The following TRIM5 variants were observed in gnomAD, a reference collection of about 807,000 sequenced individuals.
TRIM5 encodes tripartite motif containing 5, also known as tripartite motif-containing protein 5.
Under a neutral mutation model 35.6 loss-of-function variants are expected in TRIM5, and 31 were observed. The ratio of observed to expected loss-of-function variants is 0.87; its 90% CI spans 0.65 to 1.18. The LOEUF (loss-of-function observed/expected upper bound fraction) is 1.18, where lower values mean the gene tolerates loss of function less well. Ranked by LOEUF, TRIM5 falls within the 50% of genes most tolerant of loss-of-function variation. The pLI is 0.00. For synonymous variants in TRIM5, 243 were observed against 215.6 expected, an observed-to-expected ratio of 1.13 and a Z score of -1.11; for missense variants, 609 against 591.6, an observed-to-expected ratio of 1.03 and a Z score of -0.31.
the TRIM5 span, chr11:5,596,849 C>T: frequency 6.2e-7 from 1 of 1,613,642 alleles, no homozygotes; most frequent in Non-Finnish European, 8.5e-7. Context: ...AGAGCTTTGA[C>T]CACCTGATAT....
the TRIM5 span, chr11:5,632,266 T>C: frequency 7.5e-6 from 12 of 1,607,016 alleles, no homozygotes; most frequent in Non-Finnish European, 9.3e-6. Context: ...CATCCAGGGG[T>C]CTTTAACCAG....
chr11:5,666,588 A>G (rs766875062), intron 5 of TRIM5, among the ~76,000 whole-genome samples: 1 of 152,222 alleles, frequency 6.6e-6, no homozygotes, highest in Non-Finnish European at 1.5e-5. Context: ...AAGACCTTCA[A>G]AGCTATTCCC....
chr11:5,656,271 A>G, the TRIM5 span, among the ~76,000 whole-genome samples: 2 of 152,184 alleles, frequency 1.3e-5, no homozygotes, highest in African/African-American at 2.4e-5. Flanking sequence ...AAAGGGCTAA[A>G]ATCCAGAATC....
At chr11:5,611,229 C>T in the TRIM5 span, 1 of 1,613,660 alleles carries the variant, frequency 6.2e-7, no homozygotes, top group Non-Finnish European at 8.5e-7. Context: ...TGTCACAAAC[C>T]ATGGCTTCCC....
chr11:5,605,412 C>A, the TRIM5 span: 46 of 1,614,032 alleles, frequency 2.9e-5, no homozygotes, highest in Non-Finnish European at 3.8e-5. Flanking sequence ...CAGAGTGGAG[C>A]AACGGGAGCT....
At chr11:5,605,436 C>T in the TRIM5 span, 1 of 1,614,150 alleles carries the variant, frequency 6.2e-7, no homozygotes, top group Non-Finnish European at 8.5e-7. Context: ...AAAGCTGGAA[C>T]AGGAAGAGAA....
At chr11:5,662,266 T>G (rs891408490), downstream of TRIM5, among the ~76,000 whole-genome samples, 5 of 152,120 alleles carry the variant, frequency 3.3e-5, no homozygotes, top group African/African-American at 1.2e-4. Flanking sequence ...GGTAGACCAT[T>G]AAAACAAAAC....
intron 4 of TRIM5, chr11:5,677,842 A>C: frequency 5.8e-6 from 1 of 172,242 alleles, no homozygotes; most frequent in Non-Finnish European, 1.2e-5. Flanking sequence ...GAAGGAAAAA[A>C]ATAAAAAGCA....
At chr11:5,674,316 A>G (rs1025709532) in intron 4 of TRIM5, among the ~76,000 whole-genome samples, 9 of 152,250 alleles carry the variant, frequency 5.9e-5, no homozygotes, top group African/African-American at 1.7e-4. Flanking sequence ...CCAAGAACTA[A>G]AACACCTCAC....
chr11:5,610,938 C>T, the TRIM5 span: 1 of 1,614,202 alleles, frequency 6.2e-7, no homozygotes, highest in Non-Finnish European at 8.5e-7. Context: ...CTCTGGTAAG[C>T]ATTACTGGGA....
chr11:5,657,203 A>T, the TRIM5 span, among the ~76,000 whole-genome samples: 1 of 152,062 alleles, frequency 6.6e-6, no homozygotes, highest in Non-Finnish European at 1.5e-5. Context: ...CAGCAAACTA[A>T]CACAGGAACA....
the TRIM5 span, chr11:5,604,748 C>A: frequency 9.4e-7 from 1 of 1,065,746 alleles, no homozygotes; most frequent in Non-Finnish European, 1.3e-6. Context: ...AAGAGCTTCC[C>A]TTTGCCTGGT....
chr11:5,615,458 G>A, the TRIM5 span, among the ~76,000 whole-genome samples: 1 of 73,664 alleles, frequency 1.4e-5, no homozygotes, highest in Non-Finnish European at 2.7e-5. Flanking sequence ...GTTACATCCT[G>A]TTGATGAACT....
chr11:5,653,877 ATTACT>A, the TRIM5 span, among the ~76,000 whole-genome samples: 1 of 152,012 alleles, frequency 6.6e-6, no homozygotes, highest in South Asian at 2.1e-4. Context: ...ATCTGAGTAA[ATTACT>A]TTAAAAGACC....
chr11:5,677,708 C>T (rs988613283), intron 4 of TRIM5, among the ~76,000 whole-genome samples: 2 of 152,068 alleles, frequency 1.3e-5, no homozygotes, highest in Non-Finnish European at 2.9e-5. Context: ...GGATTACAGG[C>T]GTGAGCCACC....
At chr11:5,602,746 G>T in the TRIM5 span, among the ~76,000 whole-genome samples, 1 of 151,556 alleles carries the variant, frequency 6.6e-6, no homozygotes, top group Non-Finnish European at 1.5e-5. Flanking sequence ...TTAAGGTCAG[G>T]AGTTCAAGAC....
rs557770434 is a variant in TRIM5, at chr11:5,680,756, AC to A, written c.-61-519del. On this transcript the variant is annotated intron_variant, in intron 1 of 7. Transcript: ENST00000380034. ...CCTTATGTGCAGTGTAACAAATCTC[AC>A]CATGCACTGTACGTTTGCAATGATT... Among the ~76,000 whole-genome samples, 79 of 152,312 alleles carry A rather than the reference AC, an allele frequency of 5.2e-4. 1 individual carries two copies. In the South Asian group the frequency reaches 0.016, roughly 30 times the overall value.
At chr11:5,663,151 A>C, downstream of TRIM5, 1 of 749,604 alleles carries the variant, frequency 1.3e-6, no homozygotes, top group Non-Finnish European at 1.6e-6. Context: ...CAAACAAACA[A>C]ACAAACAAAA....
the TRIM5 span, among the ~76,000 whole-genome samples, chr11:5,601,432 C>T: frequency 6.6e-6 from 1 of 152,168 alleles, no homozygotes; most frequent in African/African-American, 2.4e-5. Context: ...TTCTAAATCA[C>T]AACTGGTTAC....
Sources: gnomAD v4.1 joint callset for allele counts (sites outside exome capture counted in the v4.1 genomes callset) on GRCh38, gnomAD v4.1.1 for gene constraint, MANE v1.5 for transcripts, NCBI Gene and HGNC (gene_info 2026-07-23, HGNC 2026-07-21) for gene names.